Variants in PLEKHA1 observed in about 807,000 individuals in gnomAD.
PLEKHA1 encodes the protein pleckstrin homology domain-containing family A member 1.
Under a neutral mutation model 52.0 loss-of-function variants are expected in PLEKHA1, and 34 were observed. The ratio of observed to expected loss-of-function variants is 0.65; its 90% confidence interval spans 0.50 to 0.87. PLEKHA1 has a LOEUF of 0.87. Among genes scored for constraint, PLEKHA1 ranks in the 40% least tolerant of loss-of-function variants. The pLI is 0.00. For synonymous variants in PLEKHA1, 163 were observed against 170.7 expected, an observed-to-expected ratio of 0.95 and a Z score of 0.35; for missense variants, 497 against 504.2, an observed-to-expected ratio of 0.99 and a Z score of 0.14.
chr10:122,441,838 T>TC, the PLEKHA1 span: 3 of 152,204 alleles, frequency 2.0e-5, no homozygotes, highest in Non-Finnish European at 4.4e-5. Flanking sequence ...AACGTTGAGT[T>TC]CTAGAATAGC....
chr10:122,381,933 G>A (rs1304104799), intron 1 of PLEKHA1, among the ~76,000 whole-genome samples: 1 of 152,130 alleles, frequency 6.6e-6, no homozygotes, highest in Non-Finnish European at 1.5e-5. Context: ...GGAGATAACA[G>A]TCTGGAAGTC....
At chr10:122,415,377 A>G (rs1431371455) in intron 6 of PLEKHA1, among the ~76,000 whole-genome samples, 2 of 133,912 alleles carry the variant, frequency 1.5e-5, no homozygotes, top group Admixed American at 7.3e-5. Flanking sequence ...TAGTAGTTAC[A>G]CAGATCTACA....
At chr10:122,400,258 T>C (rs1373716328) in intron 3 of PLEKHA1, 85 bp from the exon 4 acceptor site, 17 of 1,016,060 alleles carry the variant, frequency 1.7e-5, no homozygotes, top group Middle Eastern at 2.2e-4. Flanking sequence ...TGGGGAATCA[T>C]ACATGTGGAA....
rs1268976060 is a variant in PLEKHA1 at position 122,412,969 on chromosome 10, A to G, written c.392A>G (p.His131Arg). The change falls in exon 6 of 12, where the codon CAT (histidine) becomes CGT (arginine). Residue 131 changes from histidine to arginine, a missense_variant. By Grantham distance (29) the His-to-Arg change is conservative (BLOSUM62 0). Coordinates refer to ENST00000368990, the MANE Select transcript of PLEKHA1 (RefSeq NM_001001974.4). ...CCTAATTCTGATAACCTAAGTCGCC[A>G]TGGTGAATGTGGGAAAAAGCAAGTG... is the stretch of plus-strand genomic sequence containing the variant. ...SQPNSDNLSR[H>R]GECGKKQVSY... The G allele has an allele frequency of 3.7e-6, 6 of 1,613,476 alleles. No homozygotes were observed. The highest frequency in any genetic ancestry group is 2.7e-5 in the African/African-American group (2 of 74,904).
At chr10:122,426,860 G>C in intron 10 of PLEKHA1, 82 bp from the exon 11 acceptor site, 1 of 1,186,044 alleles carries the variant, frequency 8.4e-7, no homozygotes, top group Non-Finnish European at 1.2e-6. Context: ...AGTATTTTAA[G>C]TTATCAAAAT....
At position 122,416,146 on chromosome 10, in the gene PLEKHA1, A is replaced by G. The variant is rs545321783; in HGVS notation, c.612+144A>G. 159 of 960,472 alleles carry G rather than the reference A, an allele frequency of 1.7e-4. No homozygotes were observed. In the East Asian group the frequency reaches 3.6e-3, roughly 22 times the overall value. 59.5% of individuals were successfully genotyped at this position (960,472 alleles called of 1,614,324 possible). ...GCTGAGGAGAGTCAGGAGATAAAATAGGGGATATTCTCTGTTTATAATTCA... is the reference window on the plus strand; with the variant it reads ...GCTGAGGAGAGTCAGGAGATAAAATGGGGGATATTCTCTGTTTATAATTCA... On this transcript the variant is annotated intron_variant, in intron 7 of 11. Coordinates refer to ENST00000368990, the MANE Select transcript of PLEKHA1 (RefSeq NM_001001974.4).
intron 1 of PLEKHA1, among the ~76,000 whole-genome samples, chr10:122,384,863 T>C (rs1318113064): frequency 1.3e-5 from 2 of 151,778 alleles, no homozygotes; most frequent in South Asian, 2.1e-4. Context: ...GGCTGAGGCA[T>C]GAGAATTGCT....
intron 3 of PLEKHA1, 25 bp downstream of exon 3, chr10:122,397,999 C>A: frequency 1.3e-6 from 2 of 1,573,616 alleles, no homozygotes; most frequent in Non-Finnish European, 1.7e-6. Flanking sequence ...TTGTCTTATA[C>A]TCGTGTGAAT....
intron 4 of PLEKHA1, among the ~76,000 whole-genome samples, chr10:122,400,904 T>C (rs549655374): frequency 5.3e-5 from 8 of 152,158 alleles, no homozygotes; most frequent in Non-Finnish European, 1.2e-4. Flanking sequence ...GGTTGGCTCA[T>C]AAATAAAAAA....
chr10:122,394,822 G>A (rs867857811), intron 2 of PLEKHA1, among the ~76,000 whole-genome samples: 2 of 152,120 alleles, frequency 1.3e-5, no homozygotes, highest in African/African-American at 4.8e-5. Context: ...GGTTTCTCCT[G>A]AATTTTACTT....
chr10:122,416,389 T>G (rs2097175583), intron 7 of PLEKHA1, among the ~76,000 whole-genome samples: 1 of 152,178 alleles, frequency 6.6e-6, no homozygotes, highest in African/African-American at 2.4e-5. Flanking sequence ...GTCTCTTCCT[T>G]GTTTAGGCAT....
intron 7 of PLEKHA1, among the ~76,000 whole-genome samples, chr10:122,417,247 T>A (rs2097189850): frequency 6.6e-6 from 1 of 151,986 alleles, no homozygotes; most frequent in Non-Finnish European, 1.5e-5. Flanking sequence ...AGAAACTTGA[T>A]GTGGTTTAAT....
At chr10:122,424,853 A>G (rs1295100856) in intron 9 of PLEKHA1, 43 bp from the exon 10 acceptor site, 2 of 1,529,298 alleles carry the variant, frequency 1.3e-6, no homozygotes, top group African/African-American at 1.4e-5. Flanking sequence ...GAGAAACTCA[A>G]ACAACTGCTA....
chr10:122,381,202 A>T (rs1403500140), intron 1 of PLEKHA1, among the ~76,000 whole-genome samples: 2 of 152,166 alleles, frequency 1.3e-5, no homozygotes, highest in East Asian at 3.8e-4. Context: ...GGCCCTTGGC[A>T]ATAATCCAGG....
chr10:122,379,512 C>G (rs1451341595), intron 1 of PLEKHA1, among the ~76,000 whole-genome samples: 1 of 150,872 alleles, frequency 6.6e-6, no homozygotes, highest in African/African-American at 2.4e-5. Context: ...CTCCTCTGAT[C>G]TTCATGAGTG....
chr10:122,375,804 CTGTT>C (rs1254323010), intron 1 of PLEKHA1, among the ~76,000 whole-genome samples: 12 of 152,314 alleles, frequency 7.9e-5, no homozygotes, highest in South Asian at 4.2e-4. Context: ...TTTTCCTCGT[CTGTT>C]TGTTTCACCT....
chr10:122,386,373 G>A (rs559347676), intron 1 of PLEKHA1, among the ~76,000 whole-genome samples: 107 of 151,518 alleles, frequency 7.1e-4, no homozygotes, highest in African/African-American at 2.4e-3. Context: ...TTACCTGCCT[G>A]TTCTAGGGTA....
chr10:122,385,924 A>G (rs1004444019), intron 1 of PLEKHA1, among the ~76,000 whole-genome samples: 4 of 152,200 alleles, frequency 2.6e-5, no homozygotes, highest in Non-Finnish European at 5.9e-5. Context: ...TTTGCCAGTT[A>G]TGACTAATAC....
At chr10:122,401,415 C>T (rs2096927467) in intron 4 of PLEKHA1, among the ~76,000 whole-genome samples, 3 of 151,650 alleles carry the variant, frequency 2.0e-5, no homozygotes, top group Non-Finnish European at 4.4e-5. Flanking sequence ...ATGTAAGGTC[C>T]TGAGTTAGGG....
Sources: gnomAD v4.1 joint callset for allele counts (sites outside exome capture counted in the v4.1 genomes callset) on GRCh38, gnomAD v4.1.1 for gene constraint, MANE v1.5 for transcripts, NCBI Gene and HGNC (gene_info 2026-07-23, HGNC 2026-07-21) for gene names.